ST3GAL5: variants seen among roughly 807,000 people sequenced by gnomAD.
ST3GAL5 encodes the protein lactosylceramide alpha-2,3-sialyltransferase.
A neutral mutation model predicts 46.1 loss-of-function variants in ST3GAL5; 25 were observed. The ratio of observed to expected loss-of-function variants is 0.54; its 90% confidence interval spans 0.40 to 0.76. The LOEUF (loss-of-function observed/expected upper bound fraction) is 0.76, where lower values mean the gene tolerates loss of function less well. Among genes scored for constraint, ST3GAL5 ranks in the 30% least tolerant of loss-of-function variants. The pLI is 0.00. For synonymous variants in ST3GAL5, 182 were observed against 192.7 expected, an observed-to-expected ratio of 0.94 and a Z score of 0.46; for missense variants, 431 against 521.2, an observed-to-expected ratio of 0.83 and a Z score of 1.69.
At position 85,841,028 on chromosome 2, in the gene ST3GAL5, A is replaced by T. The variant is rs555328788; in HGVS notation, c.1009-636T>A. Among the ~76,000 whole-genome samples, 66 of 98,826 alleles carry T rather than the reference A, an allele frequency of 6.7e-4. 1 individual carries two copies. Among genetic ancestry groups the T allele is most frequent in the African/African-American group, 1.8e-3 (62 of 34,266 alleles). 64.8% of individuals were successfully genotyped at this position (98,826 alleles called of 152,430 possible). A position where few individuals can be genotyped will look rare whatever the true frequency, so the allele number is the denominator to read the frequency against. On this transcript the variant is annotated intron_variant, in intron 6 of 6. Coordinates refer to ENST00000638572, the MANE Select transcript of ST3GAL5 (RefSeq NM_003896.4). Reference sequence around the variant, plus strand: ...CCTATATGTGATGCCCAGAATCATTAAAAAAAAAAATAAAAAAAAAAGCCT... The same window carrying T: ...CCTATATGTGATGCCCAGAATCATTTAAAAAAAAAATAAAAAAAAAAGCCT...
chr2:85,872,248 C>T (rs983982837), intron 1 of ST3GAL5, among the ~76,000 whole-genome samples: 1 of 152,058 alleles, frequency 6.6e-6, no homozygotes, highest in East Asian at 1.9e-4. Context: ...AAACCTCGGT[C>T]CCAATCAGAG....
chr2:85,876,549 C>T (rs746881290), intron 1 of ST3GAL5, among the ~76,000 whole-genome samples: 8 of 151,326 alleles, frequency 5.3e-5, no homozygotes, highest in South Asian at 2.1e-4. Flanking sequence ...GCAACCTCCG[C>T]CTCCCAGGTT....
chr2:85,845,435 A>C (rs1177111825), intron 5 of ST3GAL5: 4 of 152,268 alleles, frequency 2.6e-5, no homozygotes. Flanking sequence ...ATGCAAGTTC[A>C]TGTCTGGAGA....
At chr2:85,857,037 T>G (rs1330848679) in intron 3 of ST3GAL5, among the ~76,000 whole-genome samples, 1 of 125,232 alleles carries the variant, frequency 8.0e-6, no homozygotes, top group East Asian at 2.3e-4. Context: ...GCGACTAGCC[T>G]GGGAAACACG....
Position 85,853,065 on chromosome 2 carries a change from G to A in ST3GAL5, c.319-4861C>T, listed in dbSNP as rs547463303. On this transcript the variant is annotated intron_variant, in intron 3 of 6. Transcript: ENST00000638572. Reference sequence around the variant, plus strand: ...TCCATCTGGCCATAATTAACTGCACGCAATGCCATCCGCAGGGAGATAAGG... The same window carrying A: ...TCCATCTGGCCATAATTAACTGCACACAATGCCATCCGCAGGGAGATAAGG... 32 of 1,304,248 alleles carry A rather than the reference G, an allele frequency of 2.5e-5. No homozygotes were observed. In the Admixed American group the frequency reaches 4.1e-4, roughly 17 times the overall value. 80.8% of individuals were successfully genotyped at this position (1,304,248 alleles called of 1,614,324 possible).
At chr2:85,867,266 T>A (rs1685388383) in intron 1 of ST3GAL5, among the ~76,000 whole-genome samples, 1 of 152,226 alleles carries the variant, frequency 6.6e-6, no homozygotes, top group South Asian at 2.1e-4. Context: ...ACAGCATCAG[T>A]GTAACCTGGA....
intron 1 of ST3GAL5, among the ~76,000 whole-genome samples, chr2:85,882,761 AG>A (rs1289458508): frequency 6.8e-6 from 1 of 148,006 alleles, no homozygotes; most frequent in African/African-American, 2.5e-5. Flanking sequence ...TGAACCCAGG[AG>A]GCGGAGGTTG....
Position 85,861,286 on chromosome 2 carries a change from T to A in ST3GAL5, c.213A>T (p.Thr71=), listed in dbSNP as rs1437432364. The stretch of plus-strand genomic sequence containing the variant: ...GGATCCACACTCCAAACACAAGCAA[T>A]GTACATCTGGAAAAAAATCAATTAG... ...SLLLKDILKC[T]LLVFGVWILY... Residue 71 remains threonine, a synonymous_variant, in exon 3 of 7, where the codon ACA becomes ACT. Coordinates refer to ENST00000638572, the MANE Select transcript of ST3GAL5 (RefSeq NM_003896.4). 1 of 1,599,536 alleles carries A rather than the reference T, an allele frequency of 6.3e-7. No individual in the cohort carries two copies. The highest frequency in any genetic ancestry group is 8.6e-7 in the Non-Finnish European group (1 of 1,167,008).
chr2:85,853,716 C>G (rs1431380984), intron 3 of ST3GAL5: 2 of 153,092 alleles, frequency 1.3e-5, no homozygotes, highest in Non-Finnish European at 2.9e-5. Flanking sequence ...GTGTAGCATT[C>G]AAGGCCTTTT....
intron 3 of ST3GAL5, chr2:85,858,088 G>C (rs1684341156): frequency 2.0e-5 from 3 of 152,242 alleles, no homozygotes; most frequent in Admixed American, 6.5e-5. Context: ...AAGTCACTGA[G>C]TTGGGGACTG....
chr2:85,847,671 T>C (rs1682966555), intron 4 of ST3GAL5, 190 bp downstream of exon 4: 2 of 1,318,062 alleles, frequency 1.5e-6, no homozygotes, highest in Non-Finnish European at 2.0e-6. Flanking sequence ...GGTGTGTGCC[T>C]GGGGTCCCAG....
intron 1 of ST3GAL5, among the ~76,000 whole-genome samples, chr2:85,880,231 G>T (rs1205882404): frequency 6.6e-6 from 1 of 152,202 alleles, no homozygotes; most frequent in Non-Finnish European, 1.5e-5. Flanking sequence ...GAAGGAGAGG[G>T]AGGAATTGTA....
Position 85,840,224 on chromosome 2 carries a change from T to A in ST3GAL5, c.1177A>T (p.Thr393Ser). 1.2e-6 allele frequency: 2 copies of A among 1,614,232 alleles called. No individual in the cohort carries two copies. Among genetic ancestry groups the A allele is most frequent in the Non-Finnish European group, 1.7e-6 (2 of 1,180,050 alleles). Residue 393 changes from threonine to serine, a missense_variant, in exon 7 of 7, where the codon ACG becomes TCG. Coordinates refer to ENST00000638572, the MANE Select transcript of ST3GAL5 (RefSeq NM_003896.4). The stretch of plus-strand genomic sequence containing the variant: ...AGCTTTAAGAGGAACTTGGTTTCCG[T>A]TGTCACATTATGCATGGTCTGAAAG... ...MNFQTMHNVTTETKFLLKLVK... is the reference protein window; with the variant it reads ...MNFQTMHNVTSETKFLLKLVK...
chr2:85,863,919 G>C (rs1382927341), intron 1 of ST3GAL5, among the ~76,000 whole-genome samples: 1 of 152,128 alleles, frequency 6.6e-6, no homozygotes, highest in East Asian at 1.9e-4. Context: ...TGTTAGTCAG[G>C]CTGGTGTCGA....
chr2:85,864,062 T>C (rs1033917210), intron 1 of ST3GAL5, among the ~76,000 whole-genome samples: 2 of 152,002 alleles, frequency 1.3e-5, no homozygotes, highest in Middle Eastern at 3.4e-3. Flanking sequence ...GACTAGTGAG[T>C]GTCAGGGGTT....
At chr2:85,873,409 G>A (rs768489627) in intron 1 of ST3GAL5, among the ~76,000 whole-genome samples, 7 of 152,142 alleles carry the variant, frequency 4.6e-5, no homozygotes, top group Non-Finnish European at 7.3e-5. Context: ...AAGGGCCCTG[G>A]AGGATTTTAT....
At chr2:85,851,210 C>T (rs1683465803) in intron 3 of ST3GAL5, 2 of 1,040,036 alleles carry the variant, frequency 1.9e-6, no homozygotes, top group Non-Finnish European at 2.3e-6. Context: ...CCACCACGCC[C>T]AGCCCAAACT....
At chr2:85,842,061 C>T (rs1558643129) in intron 6 of ST3GAL5, among the ~76,000 whole-genome samples, 1 of 152,108 alleles carries the variant, frequency 6.6e-6, no homozygotes, top group African/African-American at 2.4e-5. Context: ...AACAGTGGAC[C>T]CTCCAGAGTT....
At chr2:85,871,753 T>C (rs1228848884) in intron 1 of ST3GAL5, among the ~76,000 whole-genome samples, 1 of 152,128 alleles carries the variant, frequency 6.6e-6, no homozygotes, top group African/African-American at 2.4e-5. Context: ...AGCAGGGTGG[T>C]CAGAATGGGG....
Sources: gnomAD v4.1 joint callset for allele counts (sites outside exome capture counted in the v4.1 genomes callset) on GRCh38, gnomAD v4.1.1 for gene constraint, MANE v1.5 for transcripts, NCBI Gene and HGNC (gene_info 2026-07-23, HGNC 2026-07-21) for gene names.